Variants in GABRG3 observed in about 807,000 individuals in gnomAD.
GABRG3 encodes gamma-aminobutyric acid type A receptor subunit gamma3.
A neutral mutation model predicts 48.8 loss-of-function variants in GABRG3; 25 were observed. The ratio of observed to expected loss-of-function variants is 0.51; its 90% CI spans 0.37 to 0.72. GABRG3 has a LOEUF of 0.72. Ranked by LOEUF, GABRG3 falls within the 30% of genes least tolerant of loss-of-function variation. GABRG3 has a pLI of 0.00. For synonymous variants in GABRG3, 227 were observed against 217.6 expected (o/e 1.04, Z -0.38); for missense variants, 394 against 577.9 (o/e 0.68, Z 3.26).
At chr15:26,986,894 A>G (rs1384348324) in intron 2 of GABRG3, among the ~76,000 whole-genome samples, 1 of 152,222 alleles carries the variant, frequency 6.6e-6, no homozygotes, top group Non-Finnish European at 1.5e-5. Flanking sequence ...TTATCCCACC[A>G]GTTACCAGCA....
intron 5 of GABRG3, among the ~76,000 whole-genome samples, chr15:27,471,835 A>G (rs1262904471): frequency 6.6e-6 from 1 of 152,214 alleles, no homozygotes. Context: ...TGATCAGTCT[A>G]GCACCAATAC....
intron 3 of GABRG3, among the ~76,000 whole-genome samples, chr15:27,260,641 G>T (rs1396177293): frequency 6.6e-6 from 1 of 152,096 alleles, no homozygotes; most frequent in Non-Finnish European, 1.5e-5. Context: ...GTGTCTGTGG[G>T]GTCCTGGAAC....
chr15:27,108,062 G>C (rs1897482203), intron 3 of GABRG3, among the ~76,000 whole-genome samples: 1 of 151,032 alleles, frequency 6.6e-6, no homozygotes, highest in Admixed American at 6.6e-5. Flanking sequence ...CAGTTCCATT[G>C]TTTTATACTC....
At chr15:27,260,421 G>T in intron 3 of GABRG3, among the ~76,000 whole-genome samples, 1 of 152,120 alleles carries the variant, frequency 6.6e-6, no homozygotes, top group Admixed American at 6.5e-5. Flanking sequence ...TTCAGCGTAT[G>T]AATTTTAGGG....
chr15:27,124,586 A>G (rs1482096617), intron 3 of GABRG3, among the ~76,000 whole-genome samples: 2 of 152,184 alleles, frequency 1.3e-5, no homozygotes, highest in East Asian at 1.9e-4. Context: ...TCCTGTTATC[A>G]TTGATTAATC....
At chr15:27,019,160 C>T (rs1186385584) in intron 2 of GABRG3, among the ~76,000 whole-genome samples, 1 of 145,082 alleles carries the variant, frequency 6.9e-6, no homozygotes, top group African/African-American at 2.6e-5. Context: ...GCTCTGCCTC[C>T]CGGGTTCACG....
intron 2 of GABRG3, among the ~76,000 whole-genome samples, chr15:27,004,120 G>C (rs1376678861): frequency 9.4e-5 from 14 of 149,176 alleles, no homozygotes; most frequent in East Asian, 4.1e-4. Context: ...CTGGCCGGGC[G>C]GGGGGCTGAC....
chr15:27,313,839 A>C (rs1430588449), intron 3 of GABRG3, among the ~76,000 whole-genome samples: 2 of 152,152 alleles, frequency 1.3e-5, no homozygotes, highest in African/African-American at 4.8e-5. Flanking sequence ...CTGTGAGGGA[A>C]GTTTTCAGTA....
chr15:27,116,451 C>T (rs922110935), intron 3 of GABRG3, among the ~76,000 whole-genome samples: 1 of 152,076 alleles, frequency 6.6e-6, no homozygotes, highest in Non-Finnish European at 1.5e-5. Flanking sequence ...TAGAAACATC[C>T]ACTATCTACC....
rs2150868987 is a variant in GABRG3 at position 27,538,468 on chromosome 15, ACGTAAATTGCTTTGCT to A, written c.*5588_*5603del. ...TGTAGCATTCAGGTTATTGAGGTGAACGTAAATTGCTTTGCTTGAACAATTGAGATAATCACCTACT... is the reference window on the plus strand; with the variant it reads ...TGTAGCATTCAGGTTATTGAGGTGAATGAACAATTGAGATAATCACCTACT... On this transcript the variant is annotated 3_prime_UTR_variant, in exon 10 of 10. Transcript: ENST00000615808. 6.6e-6 allele frequency: 1 copy of A among 152,366 alleles called. No homozygotes were observed. Among genetic ancestry groups the A allele is most frequent in the South Asian group, 2.1e-4 (1 of 4,828 alleles). 9.4% of individuals were successfully genotyped at this position (152,366 alleles called of 1,614,324 possible).
chr15:27,189,998 C>T (rs1201463448), intron 3 of GABRG3, among the ~76,000 whole-genome samples: 5 of 152,106 alleles, frequency 3.3e-5, no homozygotes, highest in Admixed American at 3.3e-4. Context: ...TGGTTTTTGT[C>T]TTTGGTTCTG....
At chr15:27,073,371 G>A (rs1389578074) in intron 3 of GABRG3, among the ~76,000 whole-genome samples, 1 of 152,196 alleles carries the variant, frequency 6.6e-6, no homozygotes, top group Non-Finnish European at 1.5e-5. Context: ...CATGCCTCAG[G>A]GGTGCCACCC....
intron 3 of GABRG3, chr15:27,295,323 T>A (rs1891945738): frequency 1.3e-5 from 2 of 152,196 alleles, no homozygotes. Context: ...CTCACTTTAA[T>A]TGGTGTAAAG....
intron 3 of GABRG3, among the ~76,000 whole-genome samples, chr15:27,231,428 T>TA (rs560184973): frequency 2.0e-5 from 3 of 152,058 alleles, no homozygotes; most frequent in Non-Finnish European, 4.4e-5. Flanking sequence ...GCTCCTCTGA[T>TA]AAAAGTGTTG....
intron 3 of GABRG3, among the ~76,000 whole-genome samples, chr15:27,167,542 C>T (rs1437980714): frequency 1.3e-5 from 2 of 152,200 alleles, no homozygotes; most frequent in Non-Finnish European, 2.9e-5. Flanking sequence ...GAGGCTAAAA[C>T]TAATCAGATT....
At chr15:27,099,008 C>T (rs148736643) in intron 3 of GABRG3, among the ~76,000 whole-genome samples, 2 of 151,878 alleles carry the variant, frequency 1.3e-5, no homozygotes, top group African/African-American at 4.8e-5. Context: ...TCCAAAGTGC[C>T]GAGGATATGA....
At chr15:27,435,153 A>G (rs929145443) in intron 5 of GABRG3, among the ~76,000 whole-genome samples, 6 of 151,050 alleles carry the variant, frequency 4.0e-5, no homozygotes, top group South Asian at 2.1e-4. Context: ...CACCCTATAT[A>G]ACAGATCAGT....
chr15:27,522,599 G>A (rs758970075), intron 7 of GABRG3, among the ~76,000 whole-genome samples: 3 of 151,676 alleles, frequency 2.0e-5, no homozygotes, highest in Non-Finnish European at 4.4e-5. Flanking sequence ...AAAAATGGGT[G>A]AAGTAATTCT....
chr15:27,156,476 A>G (rs898884866), intron 3 of GABRG3, among the ~76,000 whole-genome samples: 2 of 152,078 alleles, frequency 1.3e-5, no homozygotes, highest in Non-Finnish European at 2.9e-5. Flanking sequence ...TGAAACGAAA[A>G]GCAAAGAAAG....
Sources: gnomAD v4.1 joint callset for allele counts (sites outside exome capture counted in the v4.1 genomes callset) on GRCh38, gnomAD v4.1.1 for gene constraint, MANE v1.5 for transcripts, NCBI Gene and HGNC (gene_info 2026-07-23, HGNC 2026-07-21) for gene names.